The following FANCC variants were observed in gnomAD, a reference collection of about 807,000 sequenced individuals.
The protein encoded by FANCC is FA complementation group C.
FANCC carries 55 observed loss-of-function variants against 71.3 expected under a neutral mutation model. The ratio of observed to expected loss-of-function variants is 0.77; its 90% CI spans 0.62 to 0.97. FANCC has a LOEUF of 0.97. Among genes scored for constraint, FANCC ranks in the 50% least tolerant of loss-of-function variants. FANCC has a pLI of 0.00. For missense variants in FANCC, 678 were observed against 670.9 expected (o/e 1.01, Z -0.12); for synonymous variants, 275 against 244.9 (o/e 1.12, Z -1.15).
chr9:95,238,914 C>T (rs1029216563), intron 4 of FANCC, among the ~76,000 whole-genome samples: 1 of 152,106 alleles, frequency 6.6e-6, no homozygotes, highest in Non-Finnish European at 1.5e-5. Context: ...AAGATAAAAA[C>T]CTTCTATAGT....
intron 1 of FANCC, among the ~76,000 whole-genome samples, chr9:95,276,763 A>C (rs529120353): frequency 1.3e-5 from 2 of 152,354 alleles, no homozygotes; most frequent in Admixed American, 1.3e-4. Flanking sequence ...ACAAAGTTAC[A>C]GTTAGACAGG....
intron 1 of FANCC, among the ~76,000 whole-genome samples, chr9:95,289,397 C>T (rs2136302460): frequency 6.6e-6 from 1 of 152,144 alleles, no homozygotes; most frequent in Non-Finnish European, 1.5e-5. Flanking sequence ...TGAAAAACCA[C>T]ACAACTGAAC....
chr9:95,305,471 T>A (rs1044618836), intron 1 of FANCC, among the ~76,000 whole-genome samples: 1 of 152,236 alleles, frequency 6.6e-6, no homozygotes, highest in Non-Finnish European at 1.5e-5. Context: ...CACAAAAAAA[T>A]GTGCTTCAAA....
chr9:95,233,448 T>C (rs1364476862), intron 4 of FANCC, among the ~76,000 whole-genome samples: 1 of 152,168 alleles, frequency 6.6e-6, no homozygotes, highest in Non-Finnish European at 1.5e-5. Context: ...ATTATTTCCC[T>C]AGGTTTCCAT....
intron 10 of FANCC, among the ~76,000 whole-genome samples, chr9:95,118,350 T>A (rs1725649054): frequency 6.6e-6 from 1 of 152,216 alleles, no homozygotes; most frequent in Non-Finnish European, 1.5e-5. Flanking sequence ...AACAAAAGTG[T>A]AAAACTGTGC....
At chr9:95,307,657 G>A (rs1416131852) in intron 1 of FANCC, among the ~76,000 whole-genome samples, 1 of 152,200 alleles carries the variant, frequency 6.6e-6, no homozygotes, top group Non-Finnish European at 1.5e-5. Flanking sequence ...TAAGTTAAAT[G>A]AGTAAAGCAA....
At chr9:95,247,293 G>A in intron 3 of FANCC, 139 bp downstream of exon 3, 2 of 689,450 alleles carry the variant, frequency 2.9e-6, no homozygotes. Context: ...AGCCATCTTT[G>A]TAATAGAACA....
intron 4 of FANCC, among the ~76,000 whole-genome samples, chr9:95,199,276 C>T (rs970799599): frequency 5.3e-5 from 8 of 151,960 alleles, no homozygotes; most frequent in Non-Finnish European, 1.0e-4. Flanking sequence ...CCTCCTGCTG[C>T]TGCTTAGATA....
At chr9:95,127,236 G>A (rs1416850398) in intron 8 of FANCC, 1 of 152,852 alleles carries the variant, frequency 6.5e-6, no homozygotes, top group African/African-American at 2.4e-5. Context: ...CTGGGAGCTG[G>A]GGGGAGCTTC....
intron 7 of FANCC, among the ~76,000 whole-genome samples, chr9:95,141,890 T>C (rs757287897): frequency 6.6e-6 from 1 of 151,512 alleles, no homozygotes; most frequent in Admixed American, 6.6e-5. Context: ...GGGGGAAAAA[T>C]ATGAGTTTGC....
chr9:95,260,686 TAA>T (rs75106263), intron 1 of FANCC, among the ~76,000 whole-genome samples: 1 of 129,574 alleles, frequency 7.7e-6, no homozygotes, highest in African/African-American at 2.8e-5. Context: ...ACTTAAAATA[TAA>T]AAAAAAAAAA....
intron 1 of FANCC, among the ~76,000 whole-genome samples, chr9:95,314,508 C>T (rs967334951): frequency 5.9e-5 from 9 of 151,948 alleles, no homozygotes; most frequent in Non-Finnish European, 8.8e-5. Flanking sequence ...AAAAATTAGC[C>T]GGGCGTGGTG....
At chr9:95,178,862 TG>T (rs1826173802) in intron 4 of FANCC, among the ~76,000 whole-genome samples, 1 of 152,196 alleles carries the variant, frequency 6.6e-6, no homozygotes, top group Non-Finnish European at 1.5e-5. Flanking sequence ...TATCTACACT[TG>T]GTGTACAAAT....
intron 7 of FANCC, among the ~76,000 whole-genome samples, chr9:95,149,185 T>C (rs1829952152): frequency 6.6e-6 from 1 of 152,180 alleles, no homozygotes; most frequent in Non-Finnish European, 1.5e-5. Flanking sequence ...TTTTTAAAAA[T>C]TTAGTTTCAA....
chr9:95,306,954 C>T (rs1835103920), intron 1 of FANCC, among the ~76,000 whole-genome samples: 1 of 152,022 alleles, frequency 6.6e-6, no homozygotes, highest in Admixed American at 6.6e-5. Flanking sequence ...GCTCACTGCA[C>T]CCTCAACCTC....
intron 7 of FANCC, among the ~76,000 whole-genome samples, chr9:95,136,855 T>C (rs181754467): frequency 2.0e-5 from 3 of 152,302 alleles, no homozygotes; most frequent in Admixed American, 2.0e-4. Context: ...TGTCAGTGAA[T>C]TGGGGCTCCA....
intron 1 of FANCC, among the ~76,000 whole-genome samples, chr9:95,313,210 C>G (rs1037971738): frequency 3.9e-5 from 6 of 152,160 alleles, no homozygotes; most frequent in Non-Finnish European, 8.8e-5. Flanking sequence ...GTTGGGGAAG[C>G]GGCACACCCC....
At chr9:95,252,643 G>C (rs1378596839) in intron 1 of FANCC, among the ~76,000 whole-genome samples, 3 of 151,560 alleles carry the variant, frequency 2.0e-5, no homozygotes, top group Non-Finnish European at 2.9e-5. Flanking sequence ...CTACTCAGGA[G>C]GCTGAGGCAG....
intron 1 of FANCC, among the ~76,000 whole-genome samples, chr9:95,291,399 A>G (rs7019043): frequency 0.49 from 74,872 of 151,918 alleles, 19,064 homozygotes; most frequent in East Asian, 0.63. Context: ...ATCAACAAAC[A>G]AAAATCATTA....
Sources: gnomAD v4.1 joint callset for allele counts (sites outside exome capture counted in the v4.1 genomes callset) on GRCh38, gnomAD v4.1.1 for gene constraint, MANE v1.5 for transcripts, NCBI Gene and HGNC (gene_info 2026-07-23, HGNC 2026-07-21) for gene names.